The following CAMSAP1 variants were observed in gnomAD, a reference collection of about 807,000 sequenced individuals.
The protein encoded by CAMSAP1 is calmodulin-regulated spectrin-associated protein 1.
A neutral mutation model predicts 143.5 loss-of-function variants in CAMSAP1; 58 were observed. The ratio of observed to expected loss-of-function variants is 0.40; its 90% CI spans 0.33 to 0.50. CAMSAP1 has a LOEUF of 0.50. Ranked by LOEUF, CAMSAP1 falls within the 20% of genes least tolerant of loss-of-function variation. The pLI is 0.45. For missense variants in CAMSAP1, 1,969 were observed against 2,115.7 expected, an observed-to-expected ratio of 0.93 and a Z score of 1.36; for synonymous variants, 945 against 859.3, an observed-to-expected ratio of 1.10 and a Z score of -1.74.
intron 7 of CAMSAP1, among the ~76,000 whole-genome samples, chr9:135,842,572 T>C (rs1290693042): frequency 6.6e-6 from 1 of 151,846 alleles, no homozygotes; most frequent in Non-Finnish European, 1.5e-5. Flanking sequence ...AAGGAAAAAA[T>C]GTTAAGTGCA....
At chr9:135,847,180 T>C (rs1836585313) in intron 7 of CAMSAP1, among the ~76,000 whole-genome samples, 1 of 146,242 alleles carries the variant, frequency 6.8e-6, no homozygotes, top group African/African-American at 2.5e-5. Flanking sequence ...ACCCCGTCTC[T>C]ACTAAAAAAA....
intron 7 of CAMSAP1, among the ~76,000 whole-genome samples, chr9:135,848,481 T>C (rs1836656437): frequency 6.6e-6 from 1 of 151,960 alleles, no homozygotes; most frequent in Admixed American, 6.6e-5. Context: ...ACGTGCCCAA[T>C]GAACCACTGC....
chr9:135,879,974 C>T (rs899868720), intron 3 of CAMSAP1, among the ~76,000 whole-genome samples: 2 of 151,896 alleles, frequency 1.3e-5, no homozygotes, highest in Non-Finnish European at 2.9e-5. Context: ...ATAACACATA[C>T]AAATCAAGAA....
At chr9:135,879,751 C>A (rs1837875369) in intron 3 of CAMSAP1, among the ~76,000 whole-genome samples, 1 of 151,934 alleles carries the variant, frequency 6.6e-6, no homozygotes, top group South Asian at 2.1e-4. Flanking sequence ...GGGAAATCAT[C>A]GTGGCTGGAC....
chr9:135,878,404 G>A (rs1837823445), intron 3 of CAMSAP1, among the ~76,000 whole-genome samples: 1 of 152,142 alleles, frequency 6.6e-6, no homozygotes, highest in Non-Finnish European at 1.5e-5. Context: ...TTACCCAGGT[G>A]TGGGTGTGAG....
intron 5 of CAMSAP1, among the ~76,000 whole-genome samples, chr9:135,855,353 G>C (rs1437876883): frequency 1.3e-5 from 2 of 152,130 alleles, no homozygotes; most frequent in Admixed American, 6.5e-5. Flanking sequence ...CTGTTAGTTT[G>C]CTAAGGATAA....
chr9:135,812,743 C>T (rs980831527), intron 16 of CAMSAP1, among the ~76,000 whole-genome samples: 4 of 152,070 alleles, frequency 2.6e-5, no homozygotes, highest in South Asian at 2.1e-4. Context: ...CTGAGGTGGG[C>T]GAATCACTTG....
chr9:135,857,336 T>C (rs1323863030), intron 5 of CAMSAP1, among the ~76,000 whole-genome samples: 1 of 152,210 alleles, frequency 6.6e-6, no homozygotes, highest in Non-Finnish European at 1.5e-5. Context: ...TTCTGGGAGA[T>C]TTCTTCAACT....
intron 4 of CAMSAP1, chr9:135,865,249 G>T: frequency 2.2e-6 from 3 of 1,341,606 alleles, no homozygotes; most frequent in Non-Finnish European, 3.1e-6. Context: ...AACAGTTTTG[G>T]GTGCGAGCAG....
At chr9:135,886,182 C>G (rs1207690112) in intron 1 of CAMSAP1, among the ~76,000 whole-genome samples, 1 of 152,108 alleles carries the variant, frequency 6.6e-6, no homozygotes, top group Non-Finnish European at 1.5e-5. Context: ...TATTAAGTAC[C>G]CATGTGAGCC....
At chr9:135,848,889 G>C (rs1836671916) in intron 7 of CAMSAP1, among the ~76,000 whole-genome samples, 1 of 152,210 alleles carries the variant, frequency 6.6e-6, no homozygotes, top group African/African-American at 2.4e-5. Flanking sequence ...CACAGGACTG[G>C]GTAACACTGA....
rs762442843 is a variant in CAMSAP1 at position 135,824,820 on chromosome 9, C to T, written c.1284G>A (p.Gln428=). The change falls in exon 9 of 17, where the codon CAG becomes CAA. Residue 428 remains glutamine, a synonymous_variant. Coordinates refer to ENST00000389532, the MANE Select transcript of CAMSAP1 (RefSeq NM_015447.4). The surrounding 1 kb of genome is among the most constrained non-coding windows in gnomAD (Gnocchi z 4.1). ...SHPLLPLRQK[Q]QKSIQGEDIP... is the part of the protein sequence containing the mutation. The stretch of plus-strand genomic sequence containing the variant: ...TGTCCTCTCCCTGTATGGATTTCTG[C>T]TGTTTCTGTCTCAGTGGCAATAAAG... The T allele has an allele frequency of 1.7e-5, 28 of 1,602,714 alleles. No individual in the cohort carries two copies. In the Admixed American group the frequency reaches 4.6e-4, roughly 27 times the overall value.
In CAMSAP1 at chr9:135,862,564, G is replaced by A; in HGVS notation, c.711C>T (p.Tyr237=). The A allele has an allele frequency of 1.3e-6, 2 of 1,551,768 alleles. No individual in the cohort carries two copies. Among genetic ancestry groups the A allele is most frequent in the Non-Finnish European group, 1.7e-6 (2 of 1,147,004 alleles). ...TCATCAAATCCTCCAACAACGGGAA[G>A]TAGGGTGACTGCCTAGCAGAAAGGT... is the stretch of plus-strand genomic sequence containing the variant. ...REHLSARQSP[Y]FPLLEDLMRD... Residue 237 remains tyrosine (Y), a synonymous_variant, in exon 5 of 17, where the codon TAC becomes TAT. Transcript: ENST00000389532.
chr9:135,813,407 G>A (rs1049314446), intron 16 of CAMSAP1, among the ~76,000 whole-genome samples: 8 of 152,160 alleles, frequency 5.3e-5, no homozygotes, highest in Admixed American at 1.3e-4. Flanking sequence ...TAAATAATAC[G>A]TATTTTTTAA....
At chr9:135,860,597 C>G (rs1002150508) in intron 5 of CAMSAP1, among the ~76,000 whole-genome samples, 1 of 62,050 alleles carries the variant, frequency 1.6e-5, no homozygotes, top group East Asian at 4.6e-4. Context: ...GACTCTGCCT[C>G]AAAAAAAAAA....
chr9:135,904,793 C>A (rs1487456136), intron 1 of CAMSAP1, among the ~76,000 whole-genome samples: 1 of 152,094 alleles, frequency 6.6e-6, no homozygotes, highest in Non-Finnish European at 1.5e-5. Flanking sequence ...TGGAGTAACC[C>A]GTCTCTACGA....
chr9:135,886,635 C>T (rs1838131802), intron 1 of CAMSAP1, among the ~76,000 whole-genome samples: 1 of 152,196 alleles, frequency 6.6e-6, no homozygotes, highest in Non-Finnish European at 1.5e-5. Flanking sequence ...CTTAGGCGGG[C>T]ACACAAGGAA....
intron 14 of CAMSAP1, among the ~76,000 whole-genome samples, chr9:135,817,334 A>C (rs1835265011): frequency 6.6e-6 from 1 of 152,148 alleles, no homozygotes; most frequent in Non-Finnish European, 1.5e-5. Flanking sequence ...ATACACACTT[A>C]AGTATTTAAG....
rs1362657209 is a variant in CAMSAP1, at chr9:135,837,047, ACAT to A, written c.1046-9466_1046-9464del. On this transcript the variant is annotated intron_variant, in intron 7 of 16. Coordinates refer to ENST00000389532, the MANE Select transcript of CAMSAP1 (RefSeq NM_015447.4). ...GTCACCACACATGTTCTAGAGACAC[ACAT>A]CATCATGCCCGTTCTACAGACACAC... 2.0e-5 allele frequency: 14 copies of A among 683,094 alleles called. No individual in the cohort carries two copies. In the South Asian group the frequency reaches 6.0e-4, roughly 29 times the overall value. The allele number at this position is 683,094 out of a possible 1,614,324, so 42.3% of individuals were successfully genotyped here. A position where few individuals can be genotyped will look rare whatever the true frequency, so the allele number is the denominator to read the frequency against.
Sources: gnomAD v4.1 joint callset for allele counts (sites outside exome capture counted in the v4.1 genomes callset) on GRCh38, gnomAD v4.1.1 for gene constraint, Gnocchi (gnomAD v3.1) non-coding constraint, MANE v1.5 for transcripts, NCBI Gene and HGNC (gene_info 2026-07-23, HGNC 2026-07-21) for gene names.